Variants in PRDM2 observed in about 807,000 individuals in gnomAD.
The protein encoded by PRDM2 is PR domain zinc finger protein 2.
In PRDM2, 30 loss-of-function variants were observed where a neutral mutation model predicts 130.0. The ratio of observed to expected loss-of-function variants is 0.23; its 90% confidence interval spans 0.17 to 0.31. The LOEUF is 0.31. PRDM2 is among the 10% of genes least tolerant of loss of function. The pLI is 1.00. For missense variants in PRDM2, 2,011 were observed against 2,108.4 expected (o/e 0.95, Z 0.90); for synonymous variants, 871 against 782.4 (o/e 1.11, Z -1.89).
chr1:13,755,659 A>T (rs1486414999), intron 6 of PRDM2, among the ~76,000 whole-genome samples: 1 of 151,804 alleles, frequency 6.6e-6, no homozygotes, highest in Non-Finnish European at 1.5e-5. Context: ...TTTTTTTTAA[A>T]CTCGTTCAGT....
At chr1:13,707,528 A>G (rs546883751) in intron 1 of PRDM2, among the ~76,000 whole-genome samples, 1 of 152,218 alleles carries the variant, frequency 6.6e-6, no homozygotes, top group Non-Finnish European at 1.5e-5. Flanking sequence ...TTTATAAGTT[A>G]AAGTTTTTAT....
In PRDM2 at chr1:13,809,378, G is replaced by A. The variant is rs192486676; in HGVS notation, c.5037-7049G>A. On this transcript the variant is annotated intron_variant, in intron 8 of 9. Transcript: ENST00000311066. Reference sequence around the variant, plus strand: ...GTCCCCGACAGTGGTAGAAGAGGAAGGAAGGCGGACTCGATGGAGCCAGTG... The same window carrying A: ...GTCCCCGACAGTGGTAGAAGAGGAAAGAAGGCGGACTCGATGGAGCCAGTG... Among the ~76,000 whole-genome samples the A allele has an allele frequency of 5.0e-4, 76 of 152,324 alleles. No individual in the cohort carries two copies. The East Asian group carries it at 0.011, about 22-fold the overall frequency.
In PRDM2 at chr1:13,782,034, G is replaced by A. The variant is rs751533203; in HGVS notation, c.4239G>A (p.Ser1413=). 60 of 1,613,882 alleles carry A rather than the reference G, an allele frequency of 3.7e-5. No homozygotes were observed. The highest frequency in any genetic ancestry group is 3.5e-4 in the Admixed American group (21 of 59,966). The change falls in exon 8 of 10, where the codon TCG becomes TCA. Residue 1413 remains serine (S), a synonymous_variant. Transcript: ENST00000311066. ...LNFSVELSKM[S]SNKLKLNALK... ...TTAGTGTTGAGCTCAGCAAAATGTC[G>A]TCGAATAAGCTCAAATTAAATGCAT...
chr1:13,706,668 CA>C (rs1235956452), intron 1 of PRDM2, among the ~76,000 whole-genome samples: 2 of 152,044 alleles, frequency 1.3e-5, no homozygotes, highest in African/African-American at 4.8e-5. Flanking sequence ...CAGACTAAAG[CA>C]GACAAACATC....
chr1:13,726,204 A>G (rs762200446), intron 2 of PRDM2, among the ~76,000 whole-genome samples: 3 of 152,220 alleles, frequency 2.0e-5, no homozygotes, highest in Non-Finnish European at 4.4e-5. Flanking sequence ...TGTTGTGATG[A>G]TTAAATGAGG....
chr1:13,777,628 T>TCC (rs1470570757), intron 7 of PRDM2, among the ~76,000 whole-genome samples: 4 of 14,376 alleles, frequency 2.8e-4, no homozygotes, highest in African/African-American at 1.2e-3. Context: ...GTAGGGCTCC[T>TCC]CCTCCCACCC....
At chr1:13,764,441 G>A (rs1644176989) in intron 6 of PRDM2, among the ~76,000 whole-genome samples, 1 of 152,152 alleles carries the variant, frequency 6.6e-6, no homozygotes, top group Non-Finnish European at 1.5e-5. Flanking sequence ...TTTTGTTCAT[G>A]CCACAACACT....
intron 1 of PRDM2, among the ~76,000 whole-genome samples, chr1:13,704,687 A>G (rs774855631): frequency 2.0e-5 from 3 of 152,206 alleles, no homozygotes; most frequent in Non-Finnish European, 2.9e-5. Flanking sequence ...ATGTAGTTCT[A>G]TTAAGACCTA....
intron 7 of PRDM2, 123 bp downstream of exon 7, chr1:13,773,311 A>G: frequency 1.9e-6 from 1 of 531,762 alleles, no homozygotes; most frequent in Non-Finnish European, 3.1e-6. Context: ...TAAACAGCAA[A>G]AAAGCTGCCT....
chr1:13,733,940 G>T (rs900169891), intron 4 of PRDM2, among the ~76,000 whole-genome samples: 1 of 152,232 alleles, frequency 6.6e-6, no homozygotes, highest in African/African-American at 2.4e-5. Flanking sequence ...GCTAGGAAGT[G>T]TGTGGACACT....
intron 4 of PRDM2, among the ~76,000 whole-genome samples, chr1:13,739,354 T>TG (rs1353600945): frequency 6.6e-6 from 1 of 152,168 alleles, no homozygotes; most frequent in Non-Finnish European, 1.5e-5. Context: ...GGCCTATAAA[T>TG]GCTTTATTCA....
In PRDM2 at chr1:13,742,969, A is replaced by C. The variant is rs546193607; in HGVS notation, c.384+812A>C. Among the ~76,000 whole-genome samples, 5 of 151,094 alleles carry C rather than the reference A, an allele frequency of 3.3e-5. No individual in the cohort carries two copies. In the South Asian group the frequency reaches 8.3e-4, roughly 25 times the overall value. ...ATATTAATTGTTGAAAAGAAGAAGA[A>C]AGTCATGTTTTAGGATTGGTAATGA... On this transcript the variant is annotated intron_variant, in intron 5 of 9. Transcript: ENST00000311066.
intron 6 of PRDM2, among the ~76,000 whole-genome samples, chr1:13,762,188 G>A (rs928973188): frequency 1.1e-4 from 16 of 152,324 alleles, no homozygotes; most frequent in African/African-American, 3.8e-4. Flanking sequence ...AACAGTATCC[G>A]ATCAGTATTA....
chr1:13,732,883 G>A lies in PRDM2; in HGVS notation c.231+1G>A. On this transcript the variant is annotated splice_donor_variant, in intron 4 of 9. Coordinates refer to ENST00000311066, the MANE Select transcript of PRDM2 (RefSeq NM_001393986.1). LOFTEE classifies it high-confidence loss of function. Reference sequence around the variant, plus strand: ...TAAGAATAATGTATACATGTGGGAGGTAAGAAGTAATTCTGATTCTTTGTT... The same window carrying A: ...TAAGAATAATGTATACATGTGGGAGATAAGAAGTAATTCTGATTCTTTGTT... 1 of 1,522,128 alleles carries A rather than the reference G, an allele frequency of 6.6e-7. No individual in the cohort carries two copies. Among genetic ancestry groups the A allele is most frequent in the Non-Finnish European group, 9.0e-7 (1 of 1,113,744 alleles). The allele number at this position is 1,522,128 out of a possible 1,614,324, so 94.3% of individuals were successfully genotyped here.
At position 13,816,511 on chromosome 1, in the gene PRDM2, T is replaced by G; in HGVS notation, c.5121T>G (p.Ala1707=). 1 of 1,614,194 alleles carries G rather than the reference T, an allele frequency of 6.2e-7. No individual in the cohort carries two copies. The highest frequency in any genetic ancestry group is 8.5e-7 in the Non-Finnish European group (1 of 1,180,014). Residue 1707 remains alanine (A), a synonymous_variant, in exon 9 of 10, where the codon GCT becomes GCG. Coordinates refer to ENST00000311066, the MANE Select transcript of PRDM2 (RefSeq NM_001393986.1). ...TRQYRKVKAP[A]AAQFQGPFFK... is the part of the protein sequence containing the mutation. ...AGTATAGGAAGGTCAAAGCTCCAGC[T>G]GCAGCCCAGTTCCAGGGACCATTCT...
rs1022632112 is a variant in PRDM2 at position 13,706,697 on chromosome 1, C to CT, written c.-66+6408dup. Among the ~76,000 whole-genome samples the CT allele has an allele frequency of 1.2e-3, 182 of 147,444 alleles. 3 individuals are homozygous for CT. The East Asian group carries it at 0.021, about 17-fold the overall frequency. On this transcript the variant is annotated intron_variant, in intron 1 of 9. Coordinates refer to ENST00000311066, the MANE Select transcript of PRDM2 (RefSeq NM_001393986.1). ...CAAACATCAAAAGACAGTCTTTCAT[C>CT]TTTTTTTTTTTAAATCATAAATGGT...
At chr1:13,712,461 A>G (rs1386061631) in intron 1 of PRDM2, among the ~76,000 whole-genome samples, 2 of 152,230 alleles carry the variant, frequency 1.3e-5, no homozygotes, top group African/African-American at 4.8e-5. Context: ...CCATCCTCCC[A>G]TGCCCTCAGG....
At position 13,782,672 on chromosome 1, in the gene PRDM2, C is replaced by T. The variant is rs541498178; in HGVS notation, c.4877C>T (p.Ser1626Phe). 5 of 1,614,138 alleles carry T rather than the reference C, an allele frequency of 3.1e-6. No individual in the cohort carries two copies. In the African/African-American group the frequency reaches 5.3e-5, roughly 17 times the overall value. Residue 1626 changes from serine (S) to phenylalanine (F), a missense_variant, in exon 8 of 10, where the codon TCC becomes TTC. Ser to Phe is a radical substitution (Grantham distance 155). This residue lies in a region of PRDM2 where 410 missense variants were observed against 395.9 expected (regional missense o/e 1.04). Transcript: ENST00000311066. ...QKSKAVLQSKSTLASKKRTDR... is the reference protein window; with the variant it reads ...QKSKAVLQSKFTLASKKRTDR... ...AGCAAAGCTGTTTTACAAAGCAAAT[C>T]CACCTTGGCGAGTAAGAAAAGAACA...
At chr1:13,800,899 C>A (rs1463486649) in intron 8 of PRDM2, among the ~76,000 whole-genome samples, 1 of 152,126 alleles carries the variant, frequency 6.6e-6, no homozygotes, top group African/African-American at 2.4e-5. Context: ...GCTTCCCCAG[C>A]TATACGAAGT....
Sources: gnomAD v4.1 joint callset for allele counts (sites outside exome capture counted in the v4.1 genomes callset) on GRCh38, gnomAD v4.1.1 for gene constraint, gnomAD v4.1.1 regional missense constraint, MANE v1.5 for transcripts, NCBI Gene and HGNC (gene_info 2026-07-23, HGNC 2026-07-21) for gene names.